Variants in PRKCA observed in about 807,000 individuals in gnomAD.
The protein encoded by PRKCA is protein kinase C alpha.
Under a neutral mutation model 87.0 loss-of-function variants are expected in PRKCA, and 27 were observed. The observed-to-expected ratio is 0.31, with a 90% CI of 0.23 to 0.43. PRKCA has a LOEUF of 0.43. Among genes scored for constraint, PRKCA ranks in the 20% least tolerant of loss-of-function variants. PRKCA has a pLI of 1.00. For synonymous variants in PRKCA, 329 were observed against 311.1 expected, an observed-to-expected ratio of 1.06 and a Z score of -0.61; for missense variants, 518 against 852.3, an observed-to-expected ratio of 0.61 and a Z score of 4.88.
chr17:66,595,608 C>T (rs1156518040), intron 3 of PRKCA, among the ~76,000 whole-genome samples: 1 of 151,900 alleles, frequency 6.6e-6, no homozygotes, highest in Admixed American at 6.6e-5. Context: ...TACAGGTGCC[C>T]GCCATCAAGC....
intron 2 of PRKCA, among the ~76,000 whole-genome samples, chr17:66,445,862 G>A (rs1914009514): frequency 6.6e-6 from 1 of 151,604 alleles, no homozygotes; most frequent in Admixed American, 6.6e-5. Context: ...TGTCCAGGCT[G>A]GAGTGCAGTG....
chr17:66,392,350 C>T (rs1267801246), intron 2 of PRKCA, among the ~76,000 whole-genome samples: 1 of 151,958 alleles, frequency 6.6e-6, no homozygotes, highest in Non-Finnish European at 1.5e-5. Flanking sequence ...GAGAAGGTAA[C>T]ACGTATGCTG....
intron 3 of PRKCA, among the ~76,000 whole-genome samples, chr17:66,564,766 G>C (rs1179569012): frequency 6.6e-6 from 1 of 152,274 alleles, no homozygotes; most frequent in South Asian, 2.1e-4. Context: ...TGGATCACGA[G>C]GTCGGGAGTT....
At chr17:66,548,593 G>C (rs1240785753) in intron 3 of PRKCA, among the ~76,000 whole-genome samples, 2 of 152,046 alleles carry the variant, frequency 1.3e-5, no homozygotes, top group South Asian at 2.1e-4. Context: ...ATGCATATCT[G>C]TATCCCAATC....
intron 11 of PRKCA, 119 bp from the exon 12 acceptor site, chr17:66,741,540 C>T (rs1163437263): frequency 1.9e-6 from 2 of 1,050,522 alleles, no homozygotes. Flanking sequence ...CGATGCTGGT[C>T]TCTGAGAGCC....
chr17:66,346,767 G>A lies in PRKCA; in HGVS notation c.205+40640G>A, dbSNP rs182345595. Among the ~76,000 whole-genome samples the A allele has an allele frequency of 3.3e-5, 5 of 152,168 alleles. No homozygotes were observed. In the East Asian group the frequency reaches 5.8e-4, roughly 18 times the overall value. Reference sequence around the variant, plus strand: ...GATGGCTTTTGGTGCAGTGACTCACGCTTGTAATCCCAGCACTTTGGGAGG... The same window carrying A: ...GATGGCTTTTGGTGCAGTGACTCACACTTGTAATCCCAGCACTTTGGGAGG... On this transcript the variant is annotated intron_variant, in intron 2 of 16. Transcript: ENST00000413366.
rs553407347 is a variant in PRKCA at position 66,393,599 on chromosome 17, G to A, written c.205+87472G>A. ...TGTGCAGAGGGCGGATAGCACATGG[G>A]TCCCTGCAGGAGGCCTCTCGGCCTT... is the stretch of plus-strand genomic sequence containing the variant. On this transcript the variant is annotated intron_variant, in intron 2 of 16. Transcript: ENST00000413366. Among the ~76,000 whole-genome samples, 38 of 152,112 alleles carry A rather than the reference G, an allele frequency of 2.5e-4. No homozygotes were observed. In the South Asian group the frequency reaches 7.9e-3, roughly 32 times the overall value.
intron 2 of PRKCA, among the ~76,000 whole-genome samples, chr17:66,444,894 C>T (rs542760418): frequency 6.6e-6 from 1 of 152,230 alleles, no homozygotes; most frequent in South Asian, 2.1e-4. Context: ...AAATCCCACT[C>T]AGTTTCTAGA....
intron 3 of PRKCA, among the ~76,000 whole-genome samples, chr17:66,619,986 GA>G (rs1047760850): frequency 6.6e-6 from 1 of 151,934 alleles, no homozygotes; most frequent in Non-Finnish European, 1.5e-5. Flanking sequence ...GGGGGGTAAT[GA>G]AAAAAAATTT....
intron 2 of PRKCA, among the ~76,000 whole-genome samples, chr17:66,409,380 G>A (rs1268759005): frequency 1.3e-5 from 2 of 152,062 alleles, no homozygotes; most frequent in African/African-American, 4.8e-5. Flanking sequence ...GGACTCCTGT[G>A]GACCATGTCT....
intron 3 of PRKCA, among the ~76,000 whole-genome samples, chr17:66,627,043 T>A (rs1172896169): frequency 6.6e-6 from 1 of 152,222 alleles, no homozygotes; most frequent in Admixed American, 6.5e-5. Context: ...TAGACATTTG[T>A]TGTGGCAAAC....
intron 3 of PRKCA, among the ~76,000 whole-genome samples, chr17:66,608,129 C>T (rs183990733): frequency 4.6e-5 from 7 of 151,664 alleles, no homozygotes; most frequent in South Asian, 2.1e-4. Flanking sequence ...TGAAGCACAC[C>T]GATTGGAGCA....
At chr17:66,616,351 A>T (rs1164813834) in intron 3 of PRKCA, among the ~76,000 whole-genome samples, 1 of 152,246 alleles carries the variant, frequency 6.6e-6, no homozygotes, top group African/African-American at 2.4e-5. Context: ...TGGCTGTGCC[A>T]TGACACCTGG....
At chr17:66,606,945 C>G (rs1242414817) in intron 3 of PRKCA, among the ~76,000 whole-genome samples, 1 of 152,030 alleles carries the variant, frequency 6.6e-6, no homozygotes, top group Non-Finnish European at 1.5e-5. Flanking sequence ...CAGTAAAAAA[C>G]AGGCAAGTTT....
At chr17:66,368,808 T>C (rs1009738670) in intron 2 of PRKCA, among the ~76,000 whole-genome samples, 1 of 152,192 alleles carries the variant, frequency 6.6e-6, no homozygotes, top group African/African-American at 2.4e-5. Flanking sequence ...AAATGTAAAG[T>C]ACTGCAATTC....
At chr17:66,365,651 A>G (rs1162244195) in intron 2 of PRKCA, among the ~76,000 whole-genome samples, 1 of 152,184 alleles carries the variant, frequency 6.6e-6, no homozygotes, top group East Asian at 1.9e-4. Flanking sequence ...TAAACGCTCA[A>G]TAAATATTTC....
chr17:66,420,186 T>C (rs1163268313), intron 2 of PRKCA, among the ~76,000 whole-genome samples: 1 of 151,974 alleles, frequency 6.6e-6, no homozygotes, highest in African/African-American at 2.4e-5. Flanking sequence ...TAATTTTGTA[T>C]TTTTAGTAGA....
intron 3 of PRKCA, among the ~76,000 whole-genome samples, chr17:66,520,184 T>C (rs1967111905): frequency 6.7e-6 from 1 of 149,608 alleles, no homozygotes; most frequent in Admixed American, 6.8e-5. Flanking sequence ...TGGAGTGCAA[T>C]AGTGTGATCT....
intron 8 of PRKCA, among the ~76,000 whole-genome samples, chr17:66,714,545 C>T (rs1016814261): frequency 6.6e-6 from 1 of 152,092 alleles, no homozygotes. Flanking sequence ...TTCCCCCTTC[C>T]TGGAATGGAA....
Sources: allele counts gnomAD v4.1 joint callset (sites outside exome capture counted in the v4.1 genomes callset), GRCh38; gene constraint gnomAD v4.1.1; transcripts MANE v1.5; gene names NCBI Gene and HGNC (gene_info 2026-07-23, HGNC 2026-07-21).